RIMS2: variants seen among roughly 807,000 people sequenced by gnomAD.
RIMS2 encodes the protein regulating synaptic membrane exocytosis 2.
Under a neutral mutation model 174.4 loss-of-function variants are expected in RIMS2, and 59 were observed. The observed-to-expected ratio is 0.34, with a 90% CI of 0.27 to 0.42. The LOEUF (loss-of-function observed/expected upper bound fraction) is 0.42. Among genes scored for constraint, RIMS2 ranks in the 10% least tolerant of loss-of-function variants. The probability of loss-of-function intolerance (pLI) is 1.00; values close to 1 mark genes in which losing one functional copy is unlikely to be tolerated. For synonymous variants in RIMS2, 606 were observed against 572.5 expected (o/e 1.06, Z -0.84); for missense variants, 1,620 against 1,666.3 (o/e 0.97, Z 0.48).
At chr8:103,647,381 G>GTTTTTTTTTTTTTT (rs1456986051) in intron 1 of RIMS2, among the ~76,000 whole-genome samples, 4 of 151,904 alleles carry the variant, frequency 2.6e-5, no homozygotes, top group African/African-American at 9.7e-5. Context: ...TTGGCCTGAG[G>GTTTTTTTTTTTTTT]TTTTTTGTGT....
At chr8:103,591,340 T>C (rs1391388716) in intron 1 of RIMS2, among the ~76,000 whole-genome samples, 1 of 151,216 alleles carries the variant, frequency 6.6e-6, no homozygotes, top group Non-Finnish European at 1.5e-5. Context: ...GTTTTGCAAA[T>C]ATTTTCTCCC....
In RIMS2 at chr8:104,214,221, A is replaced by T. The variant is rs1377990831; in HGVS notation, c.3335-30695A>T. Among the ~76,000 whole-genome samples, 3 of 152,072 alleles carry T rather than the reference A, an allele frequency of 2.0e-5. No homozygotes were observed. In the East Asian group the frequency reaches 5.8e-4, roughly 29 times the overall value. On this transcript the variant is annotated intron_variant, in intron 19 of 23. Coordinates refer to ENST00000504942, the Ensembl canonical transcript of RIMS2. ...TTGTAATTACTTGTATTTATTAGAG[A>T]GTTTCTGTTTTATACCACAAATTTA...
At chr8:103,847,540 A>C (rs1035546733) in intron 3 of RIMS2, among the ~76,000 whole-genome samples, 1 of 152,102 alleles carries the variant, frequency 6.6e-6, no homozygotes, top group East Asian at 1.9e-4. Context: ...GTGGTATTCC[A>C]TGTAGGTAAA....
At chr8:103,702,760 G>T (rs10108212) in intron 2 of RIMS2, among the ~76,000 whole-genome samples, 26,685 of 151,118 alleles carry the variant, frequency 0.18, 2,544 homozygotes, top group African/African-American at 0.24. Flanking sequence ...TTTTCCCTGG[G>T]TCTATGTCTG....
At chr8:103,670,133 G>C (rs974195493) in intron 1 of RIMS2, among the ~76,000 whole-genome samples, 4 of 152,234 alleles carry the variant, frequency 2.6e-5, no homozygotes, top group Non-Finnish European at 5.9e-5. Flanking sequence ...TCAACACCAG[G>C]TGGAAGCTGC....
chr8:103,553,547 G>A (rs955138366), intron 1 of RIMS2, among the ~76,000 whole-genome samples: 2 of 152,090 alleles, frequency 1.3e-5, no homozygotes, highest in Non-Finnish European at 2.9e-5. Context: ...ATATACATAT[G>A]TAACAAAGCT....
chr8:104,052,813 G>A (rs1261164453), intron 19 of RIMS2, among the ~76,000 whole-genome samples: 1 of 151,966 alleles, frequency 6.6e-6, no homozygotes, highest in Non-Finnish European at 1.5e-5. Flanking sequence ...GCATTGATGG[G>A]ACATTGAAGA....
At chr8:104,245,940 T>A (rs1003979543) in intron 20 of RIMS2, among the ~76,000 whole-genome samples, 4 of 152,234 alleles carry the variant, frequency 2.6e-5, no homozygotes, top group African/African-American at 9.6e-5. Flanking sequence ...CTAAAACATT[T>A]GTATTAACTA....
chr8:103,791,082 A>G (rs922673958), intron 3 of RIMS2, among the ~76,000 whole-genome samples: 1 of 152,182 alleles, frequency 6.6e-6, no homozygotes, highest in African/African-American at 2.4e-5. Flanking sequence ...GCCACAAAAG[A>G]TACTCCTCGA....
intron 1 of RIMS2, among the ~76,000 whole-genome samples, chr8:103,580,629 G>A (rs2093554467): frequency 6.6e-6 from 1 of 152,066 alleles, no homozygotes; most frequent in Non-Finnish European, 1.5e-5. Flanking sequence ...TGCAATCTAA[G>A]AAGATTTAAC....
At chr8:103,842,805 T>C (rs374151312) in intron 3 of RIMS2, among the ~76,000 whole-genome samples, 17 of 152,222 alleles carry the variant, frequency 1.1e-4, no homozygotes, top group African/African-American at 3.9e-4. Context: ...AAGTGTACCA[T>C]AAACTGGGTG....
chr8:104,015,601 A>C (rs746261823), intron 19 of RIMS2: 39 of 417,020 alleles, frequency 9.4e-5, no homozygotes, highest in Admixed American at 3.9e-4. Flanking sequence ...TATCTGACAA[A>C]GTATTCAACT....
intron 19 of RIMS2, among the ~76,000 whole-genome samples, chr8:104,034,270 A>G (rs1157596000): frequency 6.6e-6 from 1 of 152,142 alleles, no homozygotes; most frequent in Non-Finnish European, 1.5e-5. Flanking sequence ...TGAAATTTTT[A>G]TTTTAAATGT....
chr8:103,789,971 A>G (rs2098482117), intron 3 of RIMS2, among the ~76,000 whole-genome samples: 1 of 152,122 alleles, frequency 6.6e-6, no homozygotes, highest in African/African-American at 2.4e-5. Context: ...TAGCCTGTTT[A>G]GGCCGATCTC....
intron 3 of RIMS2, among the ~76,000 whole-genome samples, chr8:103,856,892 C>A (rs2099030564): frequency 6.6e-6 from 1 of 151,892 alleles, no homozygotes; most frequent in Admixed American, 6.6e-5. Context: ...TTGCAACCTC[C>A]GCCTCTCAGG....
chr8:103,947,513 T>A (rs534350686), intron 14 of RIMS2, among the ~76,000 whole-genome samples: 4 of 152,350 alleles, frequency 2.6e-5, no homozygotes, highest in African/African-American at 4.8e-5. Context: ...CATGTTACTG[T>A]GCTGAATACT....
intron 19 of RIMS2, among the ~76,000 whole-genome samples, chr8:104,024,308 A>G (rs2096194343): frequency 6.6e-6 from 1 of 152,196 alleles, no homozygotes; most frequent in Non-Finnish European, 1.5e-5. Flanking sequence ...TCCTTGATTT[A>G]GAATCAAAGA....
intron 3 of RIMS2, among the ~76,000 whole-genome samples, chr8:103,875,602 A>T (rs533813701): frequency 6.6e-6 from 1 of 151,874 alleles, no homozygotes; most frequent in Non-Finnish European, 1.5e-5. Flanking sequence ...ATAATGACTT[A>T]TTTTCCTTTG....
chr8:103,709,333 T>C (rs1487987119), intron 2 of RIMS2, among the ~76,000 whole-genome samples: 1 of 147,792 alleles, frequency 6.8e-6, no homozygotes, highest in Non-Finnish European at 1.5e-5. Context: ...CTCATTACGG[T>C]ATGTGGGTTT....
Sources: allele counts gnomAD v4.1 joint callset (sites outside exome capture counted in the v4.1 genomes callset), GRCh38; gene constraint gnomAD v4.1.1; transcripts MANE v1.5; gene names NCBI Gene and HGNC (gene_info 2026-07-23, HGNC 2026-07-21).